The following ACSL4 variants were observed in gnomAD, a reference collection of about 807,000 sequenced individuals.
ACSL4 encodes acyl-CoA synthetase long chain family member 4.
Under a neutral mutation model 49.1 loss-of-function variants are expected in ACSL4, and 9 were observed. The ratio of observed to expected loss-of-function variants is 0.18; its 90% CI spans 0.11 to 0.32. The LOEUF (loss-of-function observed/expected upper bound fraction) is 0.32, where lower values mean the gene tolerates loss of function less well. ACSL4 is among the 10% of genes least tolerant of loss of function. The probability of loss-of-function intolerance (pLI) is 1.00; values close to 1 mark genes in which losing one functional copy is unlikely to be tolerated. For missense variants in ACSL4, 333 were observed against 493.7 expected, an observed-to-expected ratio of 0.67 and a Z score of 3.08; for synonymous variants, 191 against 170.3, an observed-to-expected ratio of 1.12 and a Z score of -0.95.
chrX:109,688,100 C>A (rs1034784515), intron 2 of ACSL4, among the ~76,000 whole-genome samples: 1 of 112,222 alleles, frequency 8.9e-6, no homozygotes, highest in African/African-American at 3.2e-5. Context: ...GGATTTCATA[C>A]TTTACTCTCT....
At chrX:109,676,178 G>T (rs1923663952) in intron 8 of ACSL4, among the ~76,000 whole-genome samples, 1 of 107,924 alleles carries the variant, frequency 9.3e-6, no homozygotes, top group Non-Finnish European at 1.9e-5. Context: ...GATCACAGAG[G>T]TCTATATGTG....
intron 9 of ACSL4, among the ~76,000 whole-genome samples, chrX:109,669,857 C>G (rs1397196047): frequency 8.9e-6 from 1 of 112,284 alleles, no homozygotes; most frequent in Non-Finnish European, 1.9e-5. Context: ...TCTTTTTTTA[C>G]TACAACTTTG....
chrX:109,673,248 T>G (rs1923417799), intron 9 of ACSL4, among the ~76,000 whole-genome samples: 1 of 111,852 alleles, frequency 8.9e-6, no homozygotes, highest in African/African-American at 3.3e-5. Flanking sequence ...AGAAGACTGA[T>G]AGACTGATAC....
intron 1 of ACSL4, among the ~76,000 whole-genome samples, chrX:109,728,427 G>A (rs185669094): frequency 1.0e-3 from 113 of 112,422 alleles, no homozygotes; most frequent in Middle Eastern, 4.6e-3. Flanking sequence ...AAATGATACA[G>A]TTTTGCCAAA....
intron 14 of ACSL4, 35 bp downstream of exon 14, chrX:109,661,496 C>T: frequency 6.9e-6 from 7 of 1,014,535 alleles, no homozygotes; most frequent in Non-Finnish European, 8.4e-6. Context: ...TATCTTTTGA[C>T]TTACGAAACA....
intron 12 of ACSL4, 98 bp downstream of exon 12, chrX:109,665,322 T>C (rs1922540843): frequency 1.3e-6 from 1 of 782,397 alleles, no homozygotes; most frequent in African/African-American, 2.0e-5. Flanking sequence ...CAGCAGAGAA[T>C]TATTTGCTTC....
rs1282247273 is a variant in ACSL4 at position 109,670,750 on chromosome X, C to T, written c.1003-1577G>A. Among the ~76,000 whole-genome samples the T allele has an allele frequency of 4.5e-5, 5 of 111,382 alleles. No homozygotes were observed. The Admixed American group carries it at 4.7e-4, about 10-fold the overall frequency. On this transcript the variant is annotated intron_variant, in intron 9 of 15. Transcript: ENST00000672401. ...GCCTGATTCTCCTGCCTCAGCCTGCCGAGTGCCTGGGATTGCAGGCGCGTG... is the reference window on the plus strand; with the variant it reads ...GCCTGATTCTCCTGCCTCAGCCTGCTGAGTGCCTGGGATTGCAGGCGCGTG...
intron 1 of ACSL4, among the ~76,000 whole-genome samples, chrX:109,710,283 A>G (rs1185667113): frequency 3.6e-5 from 4 of 111,844 alleles, no homozygotes; most frequent in Non-Finnish European, 7.5e-5. Flanking sequence ...ATGTATGGGT[A>G]TATTAGCAGA....
At chrX:109,662,951 T>C (rs948986526) in intron 13 of ACSL4, among the ~76,000 whole-genome samples, 29 of 111,817 alleles carry the variant, frequency 2.6e-4, no homozygotes, top group Admixed American at 1.6e-3. Context: ...CTGTTGCTAG[T>C]GCTGCTAGTA....
At chrX:109,653,800 T>A (rs1424910835) in intron 15 of ACSL4, among the ~76,000 whole-genome samples, 1 of 108,155 alleles carries the variant, frequency 9.2e-6, no homozygotes, top group African/African-American at 3.4e-5. Flanking sequence ...CTCTGGGGAC[T>A]GTTGTGGGGT....
intron 8 of ACSL4, among the ~76,000 whole-genome samples, chrX:109,677,373 C>T (rs1332399151): frequency 3.6e-5 from 4 of 111,560 alleles, no homozygotes; most frequent in African/African-American, 1.3e-4. Flanking sequence ...CCCAGAAACC[C>T]ACCAATGCTC....
At chrX:109,719,211 T>C (rs996727911) in intron 1 of ACSL4, among the ~76,000 whole-genome samples, 1 of 111,919 alleles carries the variant, frequency 8.9e-6, no homozygotes, top group African/African-American at 3.3e-5. Context: ...AATGCAATCA[T>C]AGGCCAATCA....
intron 2 of ACSL4, among the ~76,000 whole-genome samples, chrX:109,687,586 G>A (rs1236895726): frequency 9.0e-6 from 1 of 111,532 alleles, no homozygotes; most frequent in Non-Finnish European, 1.9e-5. Flanking sequence ...GGGGATGGAG[G>A]GCTAGGGGAG....
chrX:109,648,452 AG>A (rs1255390026), intron 15 of ACSL4, among the ~76,000 whole-genome samples: 1 of 111,519 alleles, frequency 9.0e-6, no homozygotes, highest in Non-Finnish European at 1.9e-5. Context: ...GATGCAGAAA[AG>A]GCCTTTGACA....
intron 2 of ACSL4, among the ~76,000 whole-genome samples, chrX:109,692,983 A>C (rs1469347948): frequency 9.0e-6 from 1 of 111,722 alleles, no homozygotes; most frequent in Non-Finnish European, 1.9e-5. Context: ...TGTAGGTTCC[A>C]AAAAAGTCTT....
At chrX:109,654,807 A>T (rs963332032) in intron 15 of ACSL4, among the ~76,000 whole-genome samples, 10 of 111,911 alleles carry the variant, frequency 8.9e-5, no homozygotes, top group Non-Finnish European at 1.7e-4. Context: ...GTTCTCCCGC[A>T]CCCTATGCTG....
At chrX:109,657,287 C>T (rs921284152) in intron 15 of ACSL4, among the ~76,000 whole-genome samples, 1 of 111,104 alleles carries the variant, frequency 9.0e-6, no homozygotes, top group Non-Finnish European at 1.9e-5. Flanking sequence ...CATATGTATA[C>T]ATGTGCCATG....
intron 1 of ACSL4, among the ~76,000 whole-genome samples, chrX:109,721,200 C>A (rs1396304687): frequency 8.9e-6 from 1 of 111,981 alleles, no homozygotes; most frequent in Non-Finnish European, 1.9e-5. Flanking sequence ...TTCCTGTCTC[C>A]TGACTGAGGG....
chrX:109,683,460 G>A, intron 2 of ACSL4, 85 bp from the exon 3 acceptor site: 1 of 1,209,153 alleles, frequency 8.3e-7, no homozygotes, highest in Non-Finnish European at 1.1e-6. Flanking sequence ...GCAAAATAAT[G>A]GTGAGCACAT....
Sources: gnomAD v4.1 joint callset for allele counts (sites outside exome capture counted in the v4.1 genomes callset) on GRCh38, gnomAD v4.1.1 for gene constraint, MANE v1.5 for transcripts, NCBI Gene and HGNC (gene_info 2026-07-23, HGNC 2026-07-21) for gene names.